Variants in RIMS2 observed in about 807,000 individuals in gnomAD.
RIMS2 encodes the protein regulating synaptic membrane exocytosis protein 2.
Under a neutral mutation model 174.4 loss-of-function variants are expected in RIMS2, and 59 were observed. The ratio of observed to expected loss-of-function variants is 0.34; its 90% confidence interval spans 0.27 to 0.42. The LOEUF (loss-of-function observed/expected upper bound fraction) is 0.42, where lower values mean the gene tolerates loss of function less well. RIMS2 is among the 10% of genes least tolerant of loss of function. The pLI, the probability that RIMS2 is intolerant of heterozygous loss-of-function variation, is 1.00. For missense variants in RIMS2, 1,620 were observed against 1,666.3 expected (o/e 0.97, Z 0.48); for synonymous variants, 606 against 572.5 (o/e 1.06, Z -0.84).
intron 1 of RIMS2, among the ~76,000 whole-genome samples, chr8:103,693,152 G>A (rs984436803): frequency 1.3e-5 from 2 of 152,130 alleles, no homozygotes; most frequent in South Asian, 4.1e-4. Flanking sequence ...GCTTTCCCCT[G>A]TGACAGGTCA....
intron 19 of RIMS2, among the ~76,000 whole-genome samples, chr8:104,051,136 G>A (rs886537713): frequency 6.6e-6 from 1 of 152,066 alleles, no homozygotes. Flanking sequence ...CTACTTAGGA[G>A]GCTGAAGTGG....
chr8:104,167,447 CAT>C (rs1221058214), intron 19 of RIMS2, among the ~76,000 whole-genome samples: 1 of 152,098 alleles, frequency 6.6e-6, no homozygotes, highest in African/African-American at 2.4e-5. Context: ...AGCATTTTTT[CAT>C]ATGTTTGCTG....
chr8:103,583,309 A>T (rs537655273), intron 1 of RIMS2, among the ~76,000 whole-genome samples: 1 of 152,302 alleles, frequency 6.6e-6, no homozygotes, highest in East Asian at 1.9e-4. Flanking sequence ...CTTCCAAAGA[A>T]GGACGTCTAC....
rs898769210 is a variant in RIMS2, at chr8:103,714,900, A to G, written c.387+17604A>G. Among the ~76,000 whole-genome samples the G allele has an allele frequency of 2.0e-5, 3 of 152,262 alleles. No homozygotes were observed. In the South Asian group the frequency reaches 6.2e-4, roughly 32 times the overall value. On this transcript the variant is annotated intron_variant, in intron 2 of 23. Coordinates refer to ENST00000504942, the Ensembl canonical transcript of RIMS2. ...GTATAAAATTTTTTTAGATAATAAA[A>G]TAGGGTAAGATGTTGACTATTTAAA...
chr8:103,944,097 A>G (rs1392141688), intron 14 of RIMS2, among the ~76,000 whole-genome samples: 2 of 152,036 alleles, frequency 1.3e-5, no homozygotes, highest in Non-Finnish European at 2.9e-5. Flanking sequence ...CTCCTTTTTA[A>G]AATAACCTCT....
At chr8:104,205,513 G>A (rs913365485) in intron 19 of RIMS2, among the ~76,000 whole-genome samples, 26 of 152,144 alleles carry the variant, frequency 1.7e-4, no homozygotes, top group East Asian at 5.8e-4. Flanking sequence ...GTGTGTGTGC[G>A]CGCACATACA....
intron 19 of RIMS2, chr8:104,223,548 C>T: frequency 7.0e-7 from 1 of 1,432,148 alleles, no homozygotes; most frequent in Non-Finnish European, 9.1e-7. Context: ...GTGGCACCAA[C>T]CTGGCTTCTG....
At chr8:103,998,127 T>G (rs1371974615) in intron 17 of RIMS2, 29 of 1,257,592 alleles carry the variant, frequency 2.3e-5, no homozygotes, top group Non-Finnish European at 3.3e-5. Flanking sequence ...TAAACTATAC[T>G]TTTTTTTCAC....
At chr8:103,672,782 A>C (rs2096761103) in intron 1 of RIMS2, among the ~76,000 whole-genome samples, 1 of 152,056 alleles carries the variant, frequency 6.6e-6, no homozygotes, top group East Asian at 1.9e-4. Flanking sequence ...CCCAAATCTC[A>C]TTTCCTTCTC....
At chr8:103,876,869 TA>T (rs1565060835) in intron 3 of RIMS2, among the ~76,000 whole-genome samples, 30 of 18,008 alleles carry the variant, frequency 1.7e-3, no homozygotes, top group African/African-American at 0.01. Flanking sequence ...CTATTTTATA[TA>T]TATATATATA....
intron 1 of RIMS2, among the ~76,000 whole-genome samples, chr8:103,689,829 T>A (rs1186590881): frequency 6.6e-6 from 1 of 152,322 alleles, no homozygotes; most frequent in East Asian, 1.9e-4. Context: ...AGATTCCTTT[T>A]TCCATTTCTT....
At chr8:103,679,472 G>T (rs2096853364) in intron 1 of RIMS2, among the ~76,000 whole-genome samples, 2 of 151,864 alleles carry the variant, frequency 1.3e-5, no homozygotes, top group African/African-American at 4.8e-5. Context: ...ACTTTAAAAA[G>T]GAGTAATAGA....
chr8:103,678,015 C>T (rs912430152), intron 1 of RIMS2, among the ~76,000 whole-genome samples: 1 of 152,086 alleles, frequency 6.6e-6, no homozygotes, highest in African/African-American at 2.4e-5. Context: ...GGTTACAGTT[C>T]ACTATGTAAC....
At chr8:104,149,762 G>T (rs1040297678) in intron 19 of RIMS2, among the ~76,000 whole-genome samples, 2 of 152,186 alleles carry the variant, frequency 1.3e-5, no homozygotes, top group East Asian at 1.9e-4. Flanking sequence ...CAGCACAAAA[G>T]AATTTAAGGT....
At chr8:103,788,560 G>A (rs2098465815) in intron 3 of RIMS2, among the ~76,000 whole-genome samples, 1 of 151,700 alleles carries the variant, frequency 6.6e-6, no homozygotes, top group African/African-American at 2.4e-5. Flanking sequence ...CCTGCTGGGG[G>A]GTGCCTCCCA....
chr8:103,756,144 A>T lies in RIMS2; in HGVS notation c.388-10083A>T, dbSNP rs530782139. On this transcript the variant is annotated intron_variant, in intron 2 of 23. Transcript: ENST00000504942. ...TGTCCTTTTTGTTGATGTTGATGGTACTCCTTTCTGTTTGTTAGTTTTCCT... is the reference window on the plus strand; with the variant it reads ...TGTCCTTTTTGTTGATGTTGATGGTTCTCCTTTCTGTTTGTTAGTTTTCCT... Among the ~76,000 whole-genome samples, 47 of 151,724 alleles carry T rather than the reference A, an allele frequency of 3.1e-4. 2 individuals carry two copies. The South Asian group carries it at 9.8e-3, about 32-fold the overall frequency.
intron 12 of RIMS2, among the ~76,000 whole-genome samples, 158 bp downstream of exon 14, chr8:103,931,551 T>G (rs1401757839): frequency 6.6e-6 from 1 of 152,122 alleles, no homozygotes; most frequent in East Asian, 1.9e-4. Flanking sequence ...ATAGTGACAG[T>G]AAATAAGATT....
intron 3 of RIMS2, among the ~76,000 whole-genome samples, chr8:103,776,438 G>T (rs1449910938): frequency 2.0e-5 from 3 of 152,056 alleles, no homozygotes; most frequent in African/African-American, 4.8e-5. Context: ...ATAAATTAGG[G>T]TAGGAAATAG....
At chr8:103,893,333 T>C (rs1444342417) in intron 4 of RIMS2, among the ~76,000 whole-genome samples, 1 of 152,116 alleles carries the variant, frequency 6.6e-6, no homozygotes, top group Non-Finnish European at 1.5e-5. Context: ...TGGGGTAGGC[T>C]TTTATTTTTG....
Sources: allele counts gnomAD v4.1 joint callset (sites outside exome capture counted in the v4.1 genomes callset), GRCh38; gene constraint gnomAD v4.1.1; transcripts MANE v1.5; gene names NCBI Gene and HGNC (gene_info 2026-07-23, HGNC 2026-07-21).